SENP2: variants seen among roughly 807,000 people sequenced by gnomAD.
SENP2 encodes the protein SUMO specific peptidase 2.
SENP2 carries 16 observed loss-of-function variants against 86.3 expected under a neutral mutation model. That is an observed-to-expected ratio of 0.19 (90% CI 0.13 to 0.28). The LOEUF (loss-of-function observed/expected upper bound fraction) is 0.28. Among genes scored for constraint, SENP2 ranks in the 10% least tolerant of loss-of-function variants. The pLI is 1.00. For synonymous variants in SENP2, 222 were observed against 238.7 expected (o/e 0.93, Z 0.64); for missense variants, 552 against 703.0 (o/e 0.79, Z 2.43).
intron 14 of SENP2, among the ~76,000 whole-genome samples, chr3:185,622,817 CTTTTTT>C (rs35711486): frequency 1.0e-4 from 9 of 89,336 alleles, no homozygotes; most frequent in South Asian, 3.8e-4. Context: ...TACATTCATG[CTTTTTT>C]TTTTTTTTTT....
chr3:185,619,586 G>A, intron 13 of SENP2, 84 bp downstream of exon 13: 1 of 1,051,980 alleles, frequency 9.5e-7, no homozygotes, highest in Non-Finnish European at 1.4e-6. Context: ...TCTGCCCTGT[G>A]TATAGAGGCC....
intron 2 of SENP2, among the ~76,000 whole-genome samples, chr3:185,593,728 CTTTTTTT>C (rs76181270): frequency 7.2e-6 from 1 of 138,118 alleles, no homozygotes; most frequent in Non-Finnish European, 1.6e-5. Context: ...GTTTTCATTT[CTTTTTTT>C]TTTTTTTTTT....
At chr3:185,618,916 T>C (rs968117149) in intron 12 of SENP2, among the ~76,000 whole-genome samples, 1 of 152,142 alleles carries the variant, frequency 6.6e-6, no homozygotes, top group Non-Finnish European at 1.5e-5. Context: ...AAATAAAATA[T>C]TATTTTGGTG....
At chr3:185,619,988 T>G (rs1711782761) in intron 13 of SENP2, among the ~76,000 whole-genome samples, 1 of 151,718 alleles carries the variant, frequency 6.6e-6, no homozygotes, top group South Asian at 2.1e-4. Flanking sequence ...CCTGCCTCAG[T>G]TTTTCAAAGT....
chr3:185,589,973 T>G, intron 1 of SENP2, 141 bp from the exon 2 acceptor site: 1 of 433,982 alleles, frequency 2.3e-6, no homozygotes, highest in Non-Finnish European at 4.0e-6. Context: ...CCACCAGCAT[T>G]CTCTTTTAAA....
intron 1 of SENP2, among the ~76,000 whole-genome samples, chr3:185,589,457 G>A (rs966878629): frequency 8.5e-5 from 13 of 152,258 alleles, no homozygotes; most frequent in Non-Finnish European, 1.8e-4. Flanking sequence ...TTTCTGGAGC[G>A]AAAGAGAAAA....
chr3:185,627,920 A>C (rs141571597), intron 16 of SENP2, among the ~76,000 whole-genome samples: 1 of 152,226 alleles, frequency 6.6e-6, no homozygotes. Flanking sequence ...TACAAACTGT[A>C]ATACAAACTC....
At chr3:185,629,533 G>A (rs576981158) in intron 16 of SENP2, among the ~76,000 whole-genome samples, 32 of 149,712 alleles carry the variant, frequency 2.1e-4, no homozygotes, top group East Asian at 5.9e-4. Context: ...AGCAGATCGC[G>A]CCACTGCACT....
At chr3:185,623,214 T>C (rs1337950086) in intron 14 of SENP2, among the ~76,000 whole-genome samples, 1 of 138,150 alleles carries the variant, frequency 7.2e-6, no homozygotes, top group East Asian at 1.9e-4. Flanking sequence ...TGATCTCGGC[T>C]CACCGCAACC....
chr3:185,597,289 T>C (rs1722206379), intron 2 of SENP2, among the ~76,000 whole-genome samples: 1 of 152,156 alleles, frequency 6.6e-6, no homozygotes, highest in African/African-American at 2.4e-5. Context: ...ATGTTTTATT[T>C]AAAAAACACA....
chr3:185,595,872 C>T (rs1722158054), intron 2 of SENP2, among the ~76,000 whole-genome samples: 1 of 150,750 alleles, frequency 6.6e-6, no homozygotes, highest in Non-Finnish European at 1.5e-5. Flanking sequence ...GTGATCTCAC[C>T]TCACTGCAAC....
intron 5 of SENP2, among the ~76,000 whole-genome samples, chr3:185,601,183 A>T (rs1179449366): frequency 2.6e-5 from 4 of 151,150 alleles, no homozygotes; most frequent in Admixed American, 6.7e-5. Flanking sequence ...AGCTGGGATT[A>T]CAGGCACCCC....
intron 2 of SENP2, 158 bp from the exon 3 acceptor site, chr3:185,598,254 C>T: frequency 1.4e-6 from 1 of 738,858 alleles, no homozygotes; most frequent in Non-Finnish European, 2.2e-6. Flanking sequence ...AATCCTCCCA[C>T]CTCAGCCTCC....
At chr3:185,601,638 G>C (rs975572470) in intron 5 of SENP2, among the ~76,000 whole-genome samples, 3 of 122,038 alleles carry the variant, frequency 2.5e-5, no homozygotes, top group African/African-American at 9.5e-5. Context: ...TGTTGTTCTT[G>C]CTTTTTTTTT....
chr3:185,615,640 G>A (rs913353254), intron 11 of SENP2, among the ~76,000 whole-genome samples: 2 of 152,052 alleles, frequency 1.3e-5, no homozygotes, highest in Non-Finnish European at 1.5e-5. Flanking sequence ...CACTGCCCCC[G>A]GCCTAGAGGA....
At chr3:185,600,649 C>A in intron 4 of SENP2, 116 bp from the exon 5 acceptor site, 1 of 662,144 alleles carries the variant, frequency 1.5e-6, no homozygotes, top group Non-Finnish European at 2.7e-6. Flanking sequence ...AATTGAAAAA[C>A]AAGATGTTGA....
rs765651264 is a variant in SENP2, at chr3:185,609,386, A to G, written c.722+36A>G. The G allele has an allele frequency of 6.9e-6, 10 of 1,454,682 alleles. No homozygotes were observed. The East Asian group carries it at 2.0e-4, about 30-fold the overall frequency. The allele number at this position is 1,454,682 out of a possible 1,614,324, so 90.1% of individuals were successfully genotyped here. On this transcript the variant is annotated intron_variant, in intron 7 of 16. Coordinates refer to ENST00000296257, the MANE Select transcript of SENP2 (RefSeq NM_021627.3). ...GCTAACAGATAATGCTTTGCTAGGC[A>G]TCTTTTGTTTGTTTGTTTTTGGAGA...
intron 13 of SENP2, 84 bp from the exon 14 acceptor site, chr3:185,621,741 TA>T: frequency 2.5e-6 from 2 of 800,740 alleles, no homozygotes; most frequent in East Asian, 2.6e-5. Flanking sequence ...ATGTATTTTT[TA>T]AAAGATGCTT....
intron 1 of SENP2, among the ~76,000 whole-genome samples, chr3:185,587,584 T>TTTTTTA (rs1560186545): frequency 6.7e-6 from 1 of 149,678 alleles, no homozygotes; most frequent in African/African-American, 2.4e-5. Flanking sequence ...TTTTTTTTTT[T>TTTTTTA]GAGAAGGAGT....
Sources: allele counts gnomAD v4.1 joint callset (sites outside exome capture counted in the v4.1 genomes callset), GRCh38; gene constraint gnomAD v4.1.1; transcripts MANE v1.5; gene names NCBI Gene and HGNC (gene_info 2026-07-23, HGNC 2026-07-21).